The following HFM1 variants were observed in gnomAD, a reference collection of about 807,000 sequenced individuals.
The protein encoded by HFM1 is helicase for meiosis 1.
A neutral mutation model predicts 192.1 loss-of-function variants in HFM1; 169 were observed. That is an observed-to-expected ratio of 0.88 (90% CI 0.78 to 1.00). HFM1 has a LOEUF of 1.00. Among genes scored for constraint, HFM1 ranks in the 50% least tolerant of loss-of-function variants. The pLI, the probability that HFM1 is intolerant of heterozygous loss-of-function variation, is 0.00. For synonymous variants in HFM1, 525 were observed against 537.8 expected (o/e 0.98, Z 0.33); for missense variants, 1,661 against 1,668.0 (o/e 1.00, Z 0.07).
intron 4 of HFM1, among the ~76,000 whole-genome samples, chr1:91,386,642 G>T (rs187926440): frequency 6.6e-6 from 1 of 152,236 alleles, no homozygotes; most frequent in East Asian, 1.9e-4. Flanking sequence ...TCAGTAAAGT[G>T]CTTAAGAGAG....
intron 3 of HFM1, among the ~76,000 whole-genome samples, chr1:91,394,914 G>T (rs1012631979): frequency 3.9e-5 from 6 of 151,946 alleles, no homozygotes; most frequent in Non-Finnish European, 7.4e-5. Flanking sequence ...GGCTTTGCAA[G>T]AATTTTTAGG....
At position 91,341,779 on chromosome 1, in the gene HFM1, C is replaced by CA. The variant is rs201270242; in HGVS notation, c.2335+1650dup. Among the ~76,000 whole-genome samples, 444 of 145,418 alleles carry CA rather than the reference C, an allele frequency of 3.1e-3. 2 individuals carry two copies. Among genetic ancestry groups the CA allele is most frequent in the African/African-American group, 8.1e-3 (323 of 39,786 alleles). On this transcript the variant is annotated intron_variant, in intron 20 of 38. Transcript: ENST00000370425. ...TACGACCACCAATCTCACAGAAATA[C>CA]AAAAAAAAAACCCAGAAACTGTTAT...
chr1:91,339,197 T>C (rs1308848154), intron 20 of HFM1, among the ~76,000 whole-genome samples: 2 of 151,512 alleles, frequency 1.3e-5, no homozygotes, highest in African/African-American at 4.8e-5. Context: ...GCTGATGTTC[T>C]TGCCAGAAAG....
chr1:91,328,575 A>G, intron 20 of HFM1: 1 of 1,610,412 alleles, frequency 6.2e-7, no homozygotes, highest in Non-Finnish European at 8.5e-7. Context: ...GCCACCTGAT[A>G]GGCATGTTCT....
chr1:91,347,241 G>T (rs1656257342), intron 19 of HFM1, among the ~76,000 whole-genome samples, 188 bp downstream of exon 19: 1 of 152,144 alleles, frequency 6.6e-6, no homozygotes, highest in Non-Finnish European at 1.5e-5. Context: ...AGAATAAATT[G>T]ATTAATTCAG....
intron 20 of HFM1, among the ~76,000 whole-genome samples, chr1:91,333,082 C>T (rs1345937524): frequency 6.6e-6 from 1 of 152,164 alleles, no homozygotes; most frequent in African/African-American, 2.4e-5. Context: ...CTATATGATC[C>T]AGCAATCCCA....
intron 18 of HFM1, among the ~76,000 whole-genome samples, 183 bp downstream of exon 18, chr1:91,350,555 G>A (rs1265979036): frequency 2.6e-5 from 4 of 151,942 alleles, no homozygotes; most frequent in African/African-American, 9.7e-5. Flanking sequence ...AACACTAGAA[G>A]TAAAACAGAT....
chr1:91,405,018 T>A, upstream of HFM1: 1 of 335,750 alleles, frequency 3.0e-6, no homozygotes, highest in East Asian at 1.1e-4. Flanking sequence ...TCCTGGGTTC[T>A]AAGGGTCTAC....
At chr1:91,287,610 C>T (rs544843771) in intron 30 of HFM1, among the ~76,000 whole-genome samples, 2 of 152,346 alleles carry the variant, frequency 1.3e-5, no homozygotes, top group East Asian at 1.9e-4. Context: ...GAGCACCTCT[C>T]CTCCTCTAAA....
rs200015169 is a variant in HFM1, at chr1:91,313,271, G to GCAGT, written c.3391+74_3391+77dup. ...CCAGAGTATCCTCAATCTGAGTGTT[G>GCAGT]CAGTACTATAACACTGATACTCCTT... On this transcript the variant is annotated intron_variant, in intron 30 of 38. Coordinates refer to ENST00000370425, the MANE Select transcript of HFM1 (RefSeq NM_001017975.6). The GCAGT allele has an allele frequency of 2.1e-3, 1,452 of 704,802 alleles. 17 individuals are homozygous for GCAGT. In the East Asian group the frequency reaches 0.023, roughly 11 times the overall value. The allele number at this position is 704,802 out of a possible 1,614,324, so 43.7% of individuals were successfully genotyped here.
intron 22 of HFM1, 28 bp from the exon 23 acceptor site, chr1:91,323,025 TTTA>T: frequency 7.5e-7 from 1 of 1,327,494 alleles, no homozygotes. Flanking sequence ...TGGCAAAACA[TTTA>T]TTATTATTTA....
chr1:91,319,211 TA>T lies in HFM1; in HGVS notation c.2681-3del, dbSNP rs201894017. On this transcript the variant is annotated splice_region_variant and splice_polypyrimidine_tract_variant and intron_variant, in intron 24 of 38. Transcript: ENST00000370425. ...GAGCAGCTACAAAATCTGACAACCC[TA>T]AAAAAAAAGTTTCCAGTATTAAATC... The T allele has an allele frequency of 1.6e-4, 249 of 1,577,972 alleles. No homozygotes were observed. Among genetic ancestry groups the T allele is most frequent in the South Asian group, 3.7e-4 (32 of 86,848 alleles).
At chr1:91,335,322 T>C (rs1231334548) in intron 20 of HFM1, among the ~76,000 whole-genome samples, 2 of 152,178 alleles carry the variant, frequency 1.3e-5, no homozygotes, top group African/African-American at 4.8e-5. Context: ...ACCATTGCAG[T>C]ATATTTAAAG....
At chr1:91,329,052 C>T in intron 20 of HFM1, 1 of 1,610,644 alleles carries the variant, frequency 6.2e-7, no homozygotes, top group Non-Finnish European at 8.5e-7. Context: ...GTTTGTGGAT[C>T]TGTGCATCCT....
chr1:91,316,876 T>C (rs1651309811), intron 25 of HFM1, among the ~76,000 whole-genome samples: 2 of 152,336 alleles, frequency 1.3e-5, no homozygotes, highest in Non-Finnish European at 2.9e-5. Flanking sequence ...TATGGCTCTC[T>C]GACCATTTCT....
At chr1:91,403,904 T>C (rs141055689) in intron 1 of HFM1, among the ~76,000 whole-genome samples, 155 of 152,356 alleles carry the variant, frequency 1.0e-3, no homozygotes, top group African/African-American at 3.6e-3. Flanking sequence ...ACAATTATTG[T>C]ATAAACTTAT....
At chr1:91,268,859 C>G (rs1206919782) in intron 34 of HFM1, among the ~76,000 whole-genome samples, 3 of 152,016 alleles carry the variant, frequency 2.0e-5, no homozygotes, top group Admixed American at 2.0e-4. Context: ...TTTGTTGACT[C>G]TAACAAGTAA....
chr1:91,373,762 T>A (rs895457732), intron 13 of HFM1, among the ~76,000 whole-genome samples: 2 of 152,070 alleles, frequency 1.3e-5, no homozygotes, highest in African/African-American at 4.8e-5. Context: ...TGTGGTGCCA[T>A]GTTTCTTGTA....
intron 13 of HFM1, 86 bp downstream of exon 13, chr1:91,375,272 G>A: frequency 1.1e-6 from 1 of 875,970 alleles, no homozygotes; most frequent in South Asian, 1.6e-5. Context: ...TTTACCCCAA[G>A]GTTATGGGAC....
Sources: gnomAD v4.1 joint callset for allele counts (sites outside exome capture counted in the v4.1 genomes callset) on GRCh38, gnomAD v4.1.1 for gene constraint, MANE v1.5 for transcripts, NCBI Gene and HGNC (gene_info 2026-07-23, HGNC 2026-07-21) for gene names.